The following ADGRE5 variants were observed in gnomAD, a reference collection of about 807,000 sequenced individuals.
ADGRE5 encodes the protein CD97 molecule.
In ADGRE5, 72 loss-of-function variants were observed where a neutral mutation model predicts 100.3. That is an observed-to-expected ratio of 0.72 (90% CI 0.59 to 0.87). The LOEUF is 0.87. Ranked by LOEUF, ADGRE5 falls within the 40% of genes least tolerant of loss-of-function variation. ADGRE5 has a pLI of 0.00. For synonymous variants in ADGRE5, 439 were observed against 447.8 expected (o/e 0.98, Z 0.25); for missense variants, 959 against 1,094.7 (o/e 0.88, Z 1.75).
intron 6 of ADGRE5, 40 bp downstream of exon 6, chr19:14,397,263 C>T (rs988560041): frequency 1.5e-5 from 24 of 1,613,098 alleles, no homozygotes; most frequent in Non-Finnish European, 2.0e-5. Context: ...GACCCACAAA[C>T]ATCTGATCAC....
intron 5 of ADGRE5, 66 bp downstream of exon 5, chr19:14,396,539 C>T: frequency 6.3e-7 from 1 of 1,599,448 alleles, no homozygotes; most frequent in Non-Finnish European, 8.5e-7. Flanking sequence ...GGCACGTCCT[C>T]CAAAGCAGCC....
chr19:14,387,851 G>T (rs1599611417), intron 1 of ADGRE5, among the ~76,000 whole-genome samples: 1 of 152,008 alleles, frequency 6.6e-6, no homozygotes, highest in South Asian at 2.1e-4. Context: ...AAGACAGGCA[G>T]ATCACCTGAG....
At chr19:14,388,178 T>C (rs1053616907) in intron 1 of ADGRE5, among the ~76,000 whole-genome samples, 1 of 150,182 alleles carries the variant, frequency 6.7e-6, no homozygotes, top group African/African-American at 2.5e-5. Flanking sequence ...CAGTGAGATA[T>C]GATTGCACCA....
chr19:14,405,491 C>G, intron 13 of ADGRE5: 1 of 470,196 alleles, frequency 2.1e-6, no homozygotes, highest in South Asian at 3.4e-5. Flanking sequence ...CATCGTTAAG[C>G]TGGGCCTTGT....
chr19:14,382,708 AAT>A (rs1491412304), intron 1 of ADGRE5, among the ~76,000 whole-genome samples: 1 of 124,022 alleles, frequency 8.1e-6, no homozygotes, highest in East Asian at 2.9e-4. Context: ...ACCAAAAACA[AAT>A]TTTTTTTTTT....
chr19:14,388,451 A>G lies in ADGRE5; in HGVS notation c.24A>G (p.Ala8=), dbSNP rs1364262571. Residue 8 remains alanine, a splice_region_variant and synonymous_variant, in exon 2 of 20, where the codon GCA becomes GCG. Transcript: ENST00000242786. The part of the protein sequence containing the change: MGGRVFL[A]FCVWLTLPGA... ...CCCCCTTTCCTTTCTCTGTTGCAGC[A>G]TTCTGTGTCTGGCTGACTCTGCCGG... 6.3e-7 allele frequency: 1 copy of G among 1,597,046 alleles called. No individual in the cohort carries two copies. Among genetic ancestry groups the G allele is most frequent in the Non-Finnish European group, 8.5e-7 (1 of 1,171,034 alleles).
chr19:14,382,484 G>A (rs540893684), intron 1 of ADGRE5, among the ~76,000 whole-genome samples: 5 of 152,306 alleles, frequency 3.3e-5, no homozygotes, highest in East Asian at 1.9e-4. Context: ...AGCACAACCC[G>A]TCTCCGTCTT....
At chr19:14,405,387 C>T in intron 13 of ADGRE5, 1 of 166,880 alleles carries the variant, frequency 6.0e-6, no homozygotes, top group Non-Finnish European at 1.2e-5. Context: ...AGGTGATCTG[C>T]CCCCCCTCAG....
At position 14,391,208 on chromosome 19, in the gene ADGRE5, T is replaced by G. The variant is rs186624045; in HGVS notation, c.346+129T>G. 1,381 of 1,208,446 alleles carry G rather than the reference T, an allele frequency of 1.1e-3. 2 individuals carry two copies. The highest frequency in any genetic ancestry group is 1.5e-3 in the Non-Finnish European group (1,301 of 843,600). 74.9% of individuals were successfully genotyped at this position (1,208,446 alleles called of 1,614,324 possible). On this transcript the variant is annotated intron_variant, in intron 4 of 19. Coordinates refer to ENST00000242786, the MANE Select transcript of ADGRE5 (RefSeq NM_078481.4). ...TGCCTGGCGTCTGAGATGGGACAGG[T>G]GCACATGTACCTACCCCACCACCCC...
chr19:14,403,462 C>T (rs1976095660), intron 12 of ADGRE5, among the ~76,000 whole-genome samples: 1 of 152,236 alleles, frequency 6.6e-6, no homozygotes, highest in South Asian at 2.1e-4. Flanking sequence ...AACCATTCCT[C>T]CAGCCTCAGA....
intron 4 of ADGRE5, 148 bp downstream of exon 4, chr19:14,391,227 C>A: frequency 1.0e-6 from 1 of 987,020 alleles, no homozygotes; most frequent in African/African-American, 1.6e-5. Context: ...ACCTACCCCA[C>A]CACCCCAGAG....
chr19:14,385,932 G>A (rs886106878), intron 1 of ADGRE5, among the ~76,000 whole-genome samples: 4 of 151,840 alleles, frequency 2.6e-5, no homozygotes, highest in African/African-American at 9.7e-5. Context: ...ACCACGCCCA[G>A]CTAATTTTTT....
At chr19:14,388,616 C>T in intron 2 of ADGRE5, 86 bp from the exon 3 acceptor site, 1 of 1,608,776 alleles carries the variant, frequency 6.2e-7, no homozygotes, top group Non-Finnish European at 8.5e-7. Context: ...ACGAGAAACT[C>T]AGCGCCCTGC....
chr19:14,393,534 A>G (rs1323753102), intron 4 of ADGRE5, among the ~76,000 whole-genome samples: 1 of 152,222 alleles, frequency 6.6e-6, no homozygotes, highest in Non-Finnish European at 1.5e-5. Flanking sequence ...GCTGCGACTC[A>G]TTCAAAGAGA....
chr19:14,391,191 G>A (rs751958655), intron 4 of ADGRE5, 112 bp downstream of exon 4: 50 of 1,378,634 alleles, frequency 3.6e-5, no homozygotes, highest in South Asian at 1.5e-4. Context: ...AGTGCCTGGC[G>A]TCTGAGATGG....
At chr19:14,404,614 C>T (rs1261418214) in intron 13 of ADGRE5, 52 bp downstream of exon 13, 13 of 1,550,612 alleles carry the variant, frequency 8.4e-6, no homozygotes, top group Non-Finnish European at 1.1e-5. Flanking sequence ...GGTCCAGCTG[C>T]AACCAGACAG....
intron 2 of ADGRE5, 100 bp from the exon 3 acceptor site, chr19:14,388,602 G>A (rs1185117787): frequency 2.4e-5 from 39 of 1,606,470 alleles, no homozygotes; most frequent in Non-Finnish European, 3.0e-5. Flanking sequence ...GAGAGGGCTC[G>A]CGCACGAGAA....
In ADGRE5 at chr19:14,406,740, T is replaced by C. The variant is rs1344259956; in HGVS notation, c.2089T>C (p.Leu697=). The C allele has an allele frequency of 1.2e-5, 19 of 1,614,170 alleles. No homozygotes were observed. Among genetic ancestry groups the C allele is most frequent in the Non-Finnish European group, 1.4e-5 (17 of 1,180,024 alleles). Residue 697 remains leucine (L), a synonymous_variant, in exon 16 of 20, where the codon TTG becomes CTG. Coordinates refer to ENST00000242786, the MANE Select transcript of ADGRE5 (RefSeq NM_078481.4). The surrounding 1 kb of genome is among the most constrained non-coding windows in gnomAD (Gnocchi z 6.0). ...DFEQGFLWSF[L]GPVTFIILCN... is the part of the protein sequence containing the mutation. Reference sequence around the variant, plus strand: ...TGAGCAGGGCTTCCTCTGGAGCTTCTTGGGACCTGTGACCTTCATCATTTT... The same window carrying C: ...TGAGCAGGGCTTCCTCTGGAGCTTCCTGGGACCTGTGACCTTCATCATTTT...
intron 4 of ADGRE5, among the ~76,000 whole-genome samples, chr19:14,393,188 G>T (rs540525011): frequency 2.1e-5 from 3 of 140,250 alleles, no homozygotes; most frequent in Non-Finnish European, 3.0e-5. Flanking sequence ...GCAACAGAGC[G>T]AGACTCCATC....
Sources: gnomAD v4.1 joint callset for allele counts (sites outside exome capture counted in the v4.1 genomes callset) on GRCh38, gnomAD v4.1.1 for gene constraint, Gnocchi (gnomAD v3.1) non-coding constraint, MANE v1.5 for transcripts, NCBI Gene and HGNC (gene_info 2026-07-23, HGNC 2026-07-21) for gene names.